The following TBC1D1 variants were observed in gnomAD, a reference collection of about 807,000 sequenced individuals.
TBC1D1 encodes TBC1 (tre-2/USP6, BUB2, cdc16) domain family, member 1.
In TBC1D1, 89 loss-of-function variants were observed where a neutral mutation model predicts 125.6. The ratio of observed to expected loss-of-function variants is 0.71; its 90% confidence interval spans 0.60 to 0.85. The LOEUF is 0.85. Among genes scored for constraint, TBC1D1 ranks in the 40% least tolerant of loss-of-function variants. The probability of loss-of-function intolerance (pLI) is 0.00; values close to 1 mark genes in which losing one functional copy is unlikely to be tolerated. For synonymous variants in TBC1D1, 565 were observed against 564.1 expected, an observed-to-expected ratio of 1.00 and a Z score of -0.02; for missense variants, 1,377 against 1,469.2, an observed-to-expected ratio of 0.94 and a Z score of 1.03.
intron 2 of TBC1D1, among the ~76,000 whole-genome samples, chr4:38,008,594 T>C (rs1016350721): frequency 6.6e-6 from 1 of 152,230 alleles, no homozygotes; most frequent in African/African-American, 2.4e-5. Flanking sequence ...AAGGGGCCCC[T>C]GTGTCAGGGG....
intron 17 of TBC1D1, among the ~76,000 whole-genome samples, chr4:38,123,957 C>T (rs1429787198): frequency 1.3e-5 from 2 of 152,180 alleles, no homozygotes; most frequent in East Asian, 1.9e-4. Flanking sequence ...TCTAGAGAGG[C>T]ACCCTGCAAG....
intron 2 of TBC1D1, among the ~76,000 whole-genome samples, chr4:37,917,185 T>C (rs1412046221): frequency 6.6e-6 from 1 of 151,812 alleles, no homozygotes; most frequent in East Asian, 2.0e-4. Context: ...ATATAAGAAG[T>C]TGTGTGGGCC....
At chr4:37,980,929 G>A (rs1734212685) in intron 2 of TBC1D1, among the ~76,000 whole-genome samples, 1 of 151,842 alleles carries the variant, frequency 6.6e-6, no homozygotes, top group Non-Finnish European at 1.5e-5. Flanking sequence ...AATATTTAAA[G>A]ATGCATTAAA....
chr4:37,968,804 G>A (rs1470400245), intron 2 of TBC1D1, among the ~76,000 whole-genome samples: 3 of 152,214 alleles, frequency 2.0e-5, no homozygotes, highest in Non-Finnish European at 4.4e-5. Context: ...TTGGAGGTGT[G>A]GGGTTGGGAG....
chr4:38,118,129 G>A lies in TBC1D1; in HGVS notation c.2899G>A (p.Ala967Thr). ...CGAGATCGGCCCCAGCCTCTACGCT[G>A]CCCCCTGGTTCCTCACCATGTTTGC... Residue 967 changes from alanine (A) to threonine (T), a missense_variant, in exon 17 of 20, where the codon GCC becomes ACC. This residue lies in a region of TBC1D1 where 543 missense variants were observed against 613.5 expected (regional missense o/e 0.89). Coordinates refer to ENST00000261439, the MANE Select transcript of TBC1D1 (RefSeq NM_015173.4). The A allele has an allele frequency of 1.9e-6, 3 of 1,614,156 alleles. No homozygotes were observed. Among genetic ancestry groups the A allele is most frequent in the Non-Finnish European group, 2.5e-6 (3 of 1,180,018 alleles).
intron 18 of TBC1D1, among the ~76,000 whole-genome samples, chr4:38,128,138 G>A (rs1038218389): frequency 3.3e-5 from 5 of 152,224 alleles, no homozygotes; most frequent in African/African-American, 1.2e-4. Flanking sequence ...AGAGCAGAGA[G>A]CAATTCTCAG....
rs1166554409 is a variant in TBC1D1, at chr4:38,006,887, T to A, written c.418-7622T>A. 4.9e-5 allele frequency: 24 copies of A among 492,164 alleles called. No individual in the cohort carries two copies. In the East Asian group the frequency reaches 9.2e-4, roughly 19 times the overall value. The allele number at this position is 492,164 out of a possible 1,614,324, so 30.5% of individuals were successfully genotyped here. ...CTCATCCTTAAAATCCTGATGCTCA[T>A]CTCTGCAGAATCCAAGAAACCAGAG... On this transcript the variant is annotated intron_variant, in intron 2 of 19. Coordinates refer to ENST00000261439, the MANE Select transcript of TBC1D1 (RefSeq NM_015173.4).
intron 12 of TBC1D1, among the ~76,000 whole-genome samples, chr4:38,056,560 G>A (rs1751746806): frequency 6.6e-6 from 1 of 152,220 alleles, no homozygotes; most frequent in African/African-American, 2.4e-5. Context: ...TGTAAGCTCA[G>A]TGCTTTGGGA....
chr4:37,918,601 C>A (rs1337837939), intron 2 of TBC1D1, among the ~76,000 whole-genome samples: 1 of 152,114 alleles, frequency 6.6e-6, no homozygotes, highest in African/African-American at 2.4e-5. Context: ...ATGTGCGCCA[C>A]CACGCCTGGC....
At chr4:38,021,779 T>C (rs2152436722) in intron 6 of TBC1D1, 61 bp downstream of exon 6, 2 of 1,412,374 alleles carry the variant, frequency 1.4e-6, no homozygotes, top group South Asian at 3.2e-5. Flanking sequence ...AGGAGAACTT[T>C]AGATGATACT....
intron 2 of TBC1D1, among the ~76,000 whole-genome samples, chr4:37,926,019 G>T (rs1722034991): frequency 6.6e-6 from 1 of 152,180 alleles, no homozygotes; most frequent in Non-Finnish European, 1.5e-5. Context: ...TACAGAACTT[G>T]CCAGATGGTG....
chr4:38,105,405 G>A (rs973591492), intron 15 of TBC1D1, among the ~76,000 whole-genome samples: 9 of 152,236 alleles, frequency 5.9e-5, no homozygotes, highest in South Asian at 4.2e-4. Context: ...CCGATTTGCC[G>A]CTAATCAGTG....
rs182769159 is a variant in TBC1D1 at position 38,020,638 on chromosome 4, C to T, written c.1020C>T (p.Ser340=). Residue 340 remains serine, a synonymous_variant, in exon 5 of 20, where the codon TCC becomes TCT. Transcript: ENST00000261439. ...TTGGGTTTATCTGTCGGGAGTCTTCCGGAGGTGGCGGCTTTCATTTTGTCT... is the reference window on the plus strand; with the variant it reads ...TTGGGTTTATCTGTCGGGAGTCTTCTGGAGGTGGCGGCTTTCATTTTGTCT... 30 of 1,613,210 alleles carry T rather than the reference C, an allele frequency of 1.9e-5. No individual in the cohort carries two copies. Among genetic ancestry groups the T allele is most frequent in the Middle Eastern group, 3.3e-4 (2 of 6,054 alleles).
chr4:38,010,359 C>T (rs1275906045), intron 2 of TBC1D1, among the ~76,000 whole-genome samples: 2 of 152,086 alleles, frequency 1.3e-5, no homozygotes, highest in African/African-American at 2.4e-5. Context: ...TCTCTGCCTG[C>T]GATTCCTTAG....
intron 7 of TBC1D1, among the ~76,000 whole-genome samples, chr4:38,032,402 T>G (rs911244631): frequency 3.3e-5 from 5 of 152,220 alleles, no homozygotes; most frequent in Non-Finnish European, 5.9e-5. Context: ...TCATCCTGAC[T>G]TCTGACATCA....
intron 12 of TBC1D1, among the ~76,000 whole-genome samples, chr4:38,077,064 G>A (rs914157405): frequency 2.6e-4 from 39 of 152,166 alleles, no homozygotes; most frequent in African/African-American, 9.4e-4. Flanking sequence ...CTCTTAGGAT[G>A]GTTCTTTCTG....
Position 38,014,720 on chromosome 4 carries a change from A to G in TBC1D1, c.629A>G (p.Glu210Gly). The G allele has an allele frequency of 6.2e-7, 1 of 1,612,282 alleles. No individual in the cohort carries two copies. Residue 210 changes from glutamate to glycine, a missense_variant, in exon 3 of 20, where the codon GAG becomes GGG. Transcript: ENST00000261439. This position sits in a 1 kb window ranked among gnomAD's most constrained non-coding sequence, Gnocchi z 5.1. ...CACGTCAGCGGCAGCCGGGGGTCCG[A>G]GAGCCCCCGCCCCAACCCGCCCCAT...
At chr4:38,053,149 T>C in intron 11 of TBC1D1, 4 of 1,537,276 alleles carry the variant, frequency 2.6e-6, no homozygotes, top group Non-Finnish European at 3.5e-6. Context: ...TCATTCTTCT[T>C]CCTCTGTGCC....
chr4:38,045,299 A>AT (rs1308487053), intron 9 of TBC1D1, among the ~76,000 whole-genome samples: 1 of 152,036 alleles, frequency 6.6e-6, no homozygotes, highest in Non-Finnish European at 1.5e-5. Context: ...GAAACATCTG[A>AT]TTTTATTTTA....
Sources: allele counts gnomAD v4.1 joint callset (sites outside exome capture counted in the v4.1 genomes callset), GRCh38; gene constraint gnomAD v4.1.1; regional missense constraint gnomAD v4.1.1; non-coding constraint Gnocchi (gnomAD v3.1); transcripts MANE v1.5; gene names NCBI Gene and HGNC (gene_info 2026-07-23, HGNC 2026-07-21).